The following SGMS1 variants were observed in gnomAD, a reference collection of about 807,000 sequenced individuals.
The protein encoded by SGMS1 is sphingomyelin synthase 1.
In SGMS1, 13 loss-of-function variants were observed where a neutral mutation model predicts 46.2. That is an observed-to-expected ratio of 0.28 (90% CI 0.18 to 0.45). The LOEUF is 0.45. Among genes scored for constraint, SGMS1 ranks in the 20% least tolerant of loss-of-function variants. The pLI is 1.00. For synonymous variants in SGMS1, 203 were observed against 187.8 expected (o/e 1.08, Z -0.66); for missense variants, 324 against 519.9 (o/e 0.62, Z 3.66).
chr10:50,401,755 A>G (rs182648411), intron 6 of SGMS1, among the ~76,000 whole-genome samples: 6 of 152,352 alleles, frequency 3.9e-5, no homozygotes, highest in Admixed American at 3.9e-4. Flanking sequence ...TCAACAAAGC[A>G]CCAAGGTCTC....
chr10:50,314,405 G>T (rs891613119), intron 8 of SGMS1, among the ~76,000 whole-genome samples: 1 of 152,096 alleles, frequency 6.6e-6, no homozygotes, highest in Non-Finnish European at 1.5e-5. Context: ...TTTGCTGTGT[G>T]ACCTTATACA....
At chr10:50,503,176 C>G (rs1837676140) in intron 3 of SGMS1, among the ~76,000 whole-genome samples, 1 of 152,186 alleles carries the variant, frequency 6.6e-6, no homozygotes, top group African/African-American at 2.4e-5. Context: ...TGTTCATCTT[C>G]CCTTGTCACT....
chr10:50,547,801 C>T (rs1838114304), intron 2 of SGMS1, among the ~76,000 whole-genome samples: 1 of 152,116 alleles, frequency 6.6e-6, no homozygotes, highest in African/African-American at 2.4e-5. Flanking sequence ...CAAGAAAATA[C>T]CGGCAAACCA....
chr10:50,494,220 T>C (rs1837590999), intron 3 of SGMS1, among the ~76,000 whole-genome samples: 1 of 152,236 alleles, frequency 6.6e-6, no homozygotes, highest in African/African-American at 2.4e-5. Context: ...GAAAGTGTGT[T>C]GACTCCTCAA....
At chr10:50,415,385 A>G (rs935039438) in intron 6 of SGMS1, among the ~76,000 whole-genome samples, 4 of 152,146 alleles carry the variant, frequency 2.6e-5, no homozygotes, top group Non-Finnish European at 4.4e-5. Flanking sequence ...CCATTTCCCC[A>G]TTTTTGAAAA....
At chr10:50,349,070 C>T (rs7070574) in intron 6 of SGMS1, among the ~76,000 whole-genome samples, 48,257 of 152,140 alleles carry the variant, frequency 0.32, 8,307 homozygotes, top group Admixed American at 0.45. Flanking sequence ...ATGGCAAGCA[C>T]ATATCTAACA....
chr10:50,361,198 C>T (rs1414316702), intron 6 of SGMS1, among the ~76,000 whole-genome samples: 1 of 152,154 alleles, frequency 6.6e-6, no homozygotes. Context: ...GAAAATCCAA[C>T]AGTGATCAGT....
intron 1 of SGMS1, among the ~76,000 whole-genome samples, chr10:50,616,859 A>G (rs1283182438): frequency 6.6e-6 from 1 of 152,256 alleles, no homozygotes; most frequent in East Asian, 1.9e-4. Flanking sequence ...CAGAATTACA[A>G]TAAGACAGAA....
chr10:50,371,997 G>A (rs548827168), intron 6 of SGMS1, among the ~76,000 whole-genome samples: 6 of 152,290 alleles, frequency 3.9e-5, no homozygotes, highest in African/African-American at 1.4e-4. Flanking sequence ...TTTCCAACAC[G>A]TGAACTCTGG....
At chr10:50,425,698 T>C (rs1849316028) in intron 6 of SGMS1, among the ~76,000 whole-genome samples, 1 of 152,130 alleles carries the variant, frequency 6.6e-6, no homozygotes, top group African/African-American at 2.4e-5. Flanking sequence ...CATCACACAA[T>C]CTACCCATGT....
chr10:50,346,086 A>G (rs1315891969), intron 6 of SGMS1, among the ~76,000 whole-genome samples: 1 of 152,224 alleles, frequency 6.6e-6, no homozygotes, highest in East Asian at 1.9e-4. Context: ...AAGACGGACC[A>G]CAGTTTGACT....
At chr10:50,558,580 A>G (rs1458430689) in intron 2 of SGMS1, among the ~76,000 whole-genome samples, 1 of 152,186 alleles carries the variant, frequency 6.6e-6, no homozygotes, top group East Asian at 1.9e-4. Flanking sequence ...GCCTGGAACC[A>G]AATGTCCATG....
chr10:50,472,532 T>G (rs1351598645), intron 3 of SGMS1, among the ~76,000 whole-genome samples: 2 of 152,200 alleles, frequency 1.3e-5, no homozygotes, highest in African/African-American at 4.8e-5. Flanking sequence ...GTGAATAGTA[T>G]TGCATAGTGT....
intron 6 of SGMS1, among the ~76,000 whole-genome samples, chr10:50,393,527 C>G (rs1333100985): frequency 6.6e-6 from 1 of 152,034 alleles, no homozygotes; most frequent in Non-Finnish European, 1.5e-5. Context: ...CAAAGGCATA[C>G]AAGACAAGCA....
chr10:50,359,283 C>G (rs1043024986), intron 6 of SGMS1, among the ~76,000 whole-genome samples: 17 of 152,172 alleles, frequency 1.1e-4, no homozygotes, highest in Admixed American at 1.3e-4. Context: ...ATGTTTAATA[C>G]TTAGATTTCA....
intron 6 of SGMS1, among the ~76,000 whole-genome samples, chr10:50,357,217 A>C (rs1452045901): frequency 3.9e-5 from 6 of 152,154 alleles, no homozygotes; most frequent in Non-Finnish European, 5.9e-5. Flanking sequence ...TATTATAAAA[A>C]CCATCAGACA....
intron 3 of SGMS1, among the ~76,000 whole-genome samples, chr10:50,471,897 G>A (rs907654669): frequency 1.3e-5 from 2 of 152,090 alleles, no homozygotes; most frequent in Non-Finnish European, 2.9e-5. Flanking sequence ...TTTAATCCTA[G>A]CTTCTTCGCG....
chr10:50,624,271 C>G, upstream of SGMS1: 1 of 352,022 alleles, frequency 2.8e-6, no homozygotes, highest in Non-Finnish European at 4.0e-6. Context: ...GGGCCGGAGA[C>G]GGGAGCCGCT....
At chr10:50,557,520 T>C (rs997282155) in intron 2 of SGMS1, among the ~76,000 whole-genome samples, 1 of 151,976 alleles carries the variant, frequency 6.6e-6, no homozygotes, top group Non-Finnish European at 1.5e-5. Flanking sequence ...TGTTTTGCTT[T>C]GGCAAACAAA....
Sources: allele counts gnomAD v4.1 joint callset (sites outside exome capture counted in the v4.1 genomes callset), GRCh38; gene constraint gnomAD v4.1.1; transcripts MANE v1.5; gene names NCBI Gene and HGNC (gene_info 2026-07-23, HGNC 2026-07-21).